The following TXNDC11 variants were observed in gnomAD, a reference collection of about 807,000 sequenced individuals.
The protein encoded by TXNDC11 is thioredoxin domain containing 11, also known as thioredoxin domain-containing protein 11.
TXNDC11 carries 68 observed loss-of-function variants against 78.0 expected under a neutral mutation model. The ratio of observed to expected loss-of-function variants is 0.87; its 90% confidence interval spans 0.72 to 1.07. The LOEUF (loss-of-function observed/expected upper bound fraction) is 1.07. TXNDC11 is among the 50% of genes least tolerant of loss of function. The pLI is 0.00. For missense variants in TXNDC11, 1,389 were observed against 1,221.8 expected (o/e 1.14, Z -2.04); for synonymous variants, 571 against 495.2 (o/e 1.15, Z -2.03).
Position 11,688,294 on chromosome 16 carries a change from A to G in TXNDC11, c.2043+9T>C, listed in dbSNP as rs750347434. 6.2e-7 allele frequency: 1 copy of G among 1,609,602 alleles called. No individual in the cohort carries two copies. Among genetic ancestry groups the G allele is most frequent in the Non-Finnish European group, 8.5e-7 (1 of 1,178,300 alleles). ...GATGGCTTAACTTTTGCCTCTCATG[A>G]CTCCATACCTGTTTTTGAAGGACTA... is the stretch of plus-strand genomic sequence containing the variant. On this transcript the variant is annotated intron_variant, in intron 9 of 11. Coordinates refer to ENST00000283033, the MANE Select transcript of TXNDC11 (RefSeq NM_015914.7).
At chr16:11,683,662 G>C (rs754941011) in intron 11 of TXNDC11, among the ~76,000 whole-genome samples, 1 of 151,790 alleles carries the variant, frequency 6.6e-6, no homozygotes, top group Non-Finnish European at 1.5e-5. Context: ...GCTCGGGTAA[G>C]AGATAGACTG....
intron 7 of TXNDC11, among the ~76,000 whole-genome samples, chr16:11,692,597 G>C (rs1005228968): frequency 6.6e-6 from 1 of 152,154 alleles, no homozygotes; most frequent in African/African-American, 2.4e-5. Flanking sequence ...AAATTGTGAA[G>C]AAAAGTGAAA....
At position 11,692,837 on chromosome 16, in the gene TXNDC11, A is replaced by C. The variant is rs559158996; in HGVS notation, c.1108-755T>G. 7.0e-4 allele frequency among the ~76,000 whole-genome samples: 106 copies of C among 152,070 alleles called. 1 individual carries two copies. The highest frequency in any genetic ancestry group is 2.1e-3 in the African/African-American group (89 of 41,472). ...CTGGCCCGTTTGGCTTTCCAGTCTC[A>C]CCCTACCCTCTTCAGAACAGACCAG... On this transcript the variant is annotated intron_variant, in intron 7 of 11. Coordinates refer to ENST00000283033, the MANE Select transcript of TXNDC11 (RefSeq NM_015914.7).
intron 5 of TXNDC11, among the ~76,000 whole-genome samples, chr16:11,710,093 A>C (rs964448758): frequency 5.9e-5 from 9 of 152,178 alleles, no homozygotes; most frequent in African/African-American, 2.2e-4. Flanking sequence ...CAGCGAGCCA[A>C]GATCACACCA....
intron 10 of TXNDC11, among the ~76,000 whole-genome samples, chr16:11,685,289 T>G (rs2050535526): frequency 6.6e-6 from 1 of 152,006 alleles, no homozygotes. Flanking sequence ...AGGTTGGGGC[T>G]GCAGTGAGCT....
chr16:11,679,864 G>A lies in TXNDC11; in HGVS notation c.2235-27C>T, dbSNP rs549638279. On this transcript the variant is annotated intron_variant, in intron 11 of 11. Transcript: ENST00000283033. This position sits in a 1 kb window ranked among gnomAD's most constrained non-coding sequence, Gnocchi z 4.6. The stretch of plus-strand genomic sequence containing the variant: ...TGGAGAGAGAGGGAAAGGAAGCAAA[G>A]ACAGGAGTCACACCAACACAATGAG... 6 of 1,587,262 alleles carry A rather than the reference G, an allele frequency of 3.8e-6. No homozygotes were observed. The African/African-American group carries it at 4.0e-5, about 11-fold the overall frequency.
intron 3 of TXNDC11, 97 bp downstream of exon 3, chr16:11,733,885 G>A (rs936172114): frequency 1.4e-5 from 11 of 805,066 alleles, no homozygotes; most frequent in African/African-American, 1.1e-4. Context: ...ATTTTCTATA[G>A]TGAATATCTA....
rs751416470 is a variant in TXNDC11, at chr16:11,700,439, T to C, written c.906+13A>G. The C allele has an allele frequency of 2.3e-6, 3 of 1,311,680 alleles. No individual in the cohort carries two copies. The Admixed American group carries it at 5.4e-5, about 24-fold the overall frequency. The allele number at this position is 1,311,680 out of a possible 1,614,324, so 81.3% of individuals were successfully genotyped here. A position where few individuals can be genotyped will look rare whatever the true frequency, so the allele number is the denominator to read the frequency against. On this transcript the variant is annotated intron_variant, in intron 6 of 11. Coordinates refer to ENST00000283033, the MANE Select transcript of TXNDC11 (RefSeq NM_015914.7). ...CCACTGCGCTAACATAAACGTGATTTCAAAATACTTACAAGTGATGTGTTG... is the reference window on the plus strand; with the variant it reads ...CCACTGCGCTAACATAAACGTGATTCCAAAATACTTACAAGTGATGTGTTG...
intron 6 of TXNDC11, among the ~76,000 whole-genome samples, chr16:11,699,874 G>C (rs1190676476): frequency 6.6e-6 from 1 of 152,244 alleles, no homozygotes; most frequent in Non-Finnish European, 1.5e-5. Flanking sequence ...ATAGGACTGA[G>C]CAGGACACAG....
At chr16:11,683,255 G>A (rs1382998014) in intron 11 of TXNDC11, among the ~76,000 whole-genome samples, 1 of 152,168 alleles carries the variant, frequency 6.6e-6, no homozygotes, top group Non-Finnish European at 1.5e-5. Context: ...GGGCTTCCGG[G>A]GTAGTTGCCG....
intron 5 of TXNDC11, among the ~76,000 whole-genome samples, chr16:11,706,666 T>A (rs1334881444): frequency 6.6e-6 from 1 of 152,196 alleles, no homozygotes; most frequent in South Asian, 2.1e-4. Context: ...TCCCCAAGTA[T>A]AGCTTTGGCT....
At chr16:11,693,600 A>G (rs757537518) in intron 7 of TXNDC11, among the ~76,000 whole-genome samples, 13 of 152,254 alleles carry the variant, frequency 8.5e-5, no homozygotes, top group Non-Finnish European at 1.9e-4. Context: ...AAACATACAT[A>G]TTTGTACACA....
chr16:11,722,154 G>C (rs1166150465), intron 4 of TXNDC11, among the ~76,000 whole-genome samples: 1 of 152,088 alleles, frequency 6.6e-6, no homozygotes, highest in Non-Finnish European at 1.5e-5. Context: ...CTGGAAATCA[G>C]GGTTAATCTT....
chr16:11,691,802 C>T lies in TXNDC11; in HGVS notation c.1388G>A (p.Cys463Tyr). ...AGCTGCTGCCATTTCAAAAAAGCTG[C>T]ACTGTGGCACGCTGACCGAGCTCGG... ...MKPSSVSVPQCSFFEMAAALD... is the reference protein window; with the variant it reads ...MKPSSVSVPQYSFFEMAAALD... Residue 463 changes from cysteine to tyrosine, a missense_variant, in exon 8 of 12, where the codon TGC (cysteine) becomes TAC (tyrosine). By Grantham distance (194) the Cys-to-Tyr change is radical (BLOSUM62 -2). Coordinates refer to ENST00000283033, the MANE Select transcript of TXNDC11 (RefSeq NM_015914.7). The T allele has an allele frequency of 1.2e-6, 2 of 1,614,262 alleles. No individual in the cohort carries two copies. Among genetic ancestry groups the T allele is most frequent in the Non-Finnish European group, 1.7e-6 (2 of 1,180,052 alleles).
At chr16:11,698,702 C>G (rs1249680444) in intron 6 of TXNDC11, among the ~76,000 whole-genome samples, 1 of 152,214 alleles carries the variant, frequency 6.6e-6, no homozygotes, top group Non-Finnish European at 1.5e-5. Context: ...TCTAAGGGAA[C>G]AGAAACTACA....
rs1567283463 is a variant in TXNDC11 at position 11,679,447 on chromosome 16, G to GCGGGCCAGCTCCTGCAGCTCA, written c.2604_2624dup (p.Glu869_Arg875dup). ...AGGCATCGGCCAGCTCCTGCAGCTT[G>GCGGGCCAGCTCCTGCAGCTCA]CGGGCCAGCTCCTGCAGCTCACGTG... is the stretch of plus-strand genomic sequence containing the variant. On this transcript the variant is annotated inframe_insertion, in exon 12 of 12. Coordinates refer to ENST00000283033, the MANE Select transcript of TXNDC11 (RefSeq NM_015914.7). This position sits in a 1 kb window ranked among gnomAD's most constrained non-coding sequence, Gnocchi z 4.6. 10 of 1,613,368 alleles carry GCGGGCCAGCTCCTGCAGCTCA rather than the reference G, an allele frequency of 6.2e-6. No homozygotes were observed. Among genetic ancestry groups the GCGGGCCAGCTCCTGCAGCTCA allele is most frequent in the Admixed American group, 3.3e-5 (2 of 59,986 alleles).
At chr16:11,688,516 T>C in intron 8 of TXNDC11, 71 bp from the exon 9 acceptor site, 1 of 1,305,962 alleles carries the variant, frequency 7.7e-7, no homozygotes, top group Non-Finnish European at 1.0e-6. Flanking sequence ...ACTTTTAAAC[T>C]CCACATTTTA....
At chr16:11,731,818 TG>T (rs2052062468) in intron 3 of TXNDC11, among the ~76,000 whole-genome samples, 1 of 152,184 alleles carries the variant, frequency 6.6e-6, no homozygotes, top group Non-Finnish European at 1.5e-5. Context: ...CATGTACAGC[TG>T]GGACACAGTT....
chr16:11,707,317 G>A (rs192394998), intron 5 of TXNDC11, among the ~76,000 whole-genome samples: 307 of 151,380 alleles, frequency 2.0e-3, no homozygotes, highest in Middle Eastern at 0.017. Flanking sequence ...TATTTGGGAG[G>A]CTGAGGCAGG....
Sources: gnomAD v4.1 joint callset for allele counts (sites outside exome capture counted in the v4.1 genomes callset) on GRCh38, gnomAD v4.1.1 for gene constraint, Gnocchi (gnomAD v3.1) non-coding constraint, MANE v1.5 for transcripts, NCBI Gene and HGNC (gene_info 2026-07-23, HGNC 2026-07-21) for gene names.